ELAPOR2: variants seen among roughly 807,000 people sequenced by gnomAD.
ELAPOR2 encodes the protein endosome-lysosome associated apoptosis and autophagy regulator family member 2, also known as endosome/lysosome-associated apoptosis and autophagy regulator family member 2.
A neutral mutation model predicts 120.7 loss-of-function variants in ELAPOR2; 89 were observed. That is an observed-to-expected ratio of 0.74 (90% CI 0.62 to 0.88). The LOEUF (loss-of-function observed/expected upper bound fraction) is 0.88, where lower values mean the gene tolerates loss of function less well. Among genes scored for constraint, ELAPOR2 ranks in the 40% least tolerant of loss-of-function variants. The pLI is 0.00. For missense variants in ELAPOR2, 1,134 were observed against 1,251.6 expected (o/e 0.91, Z 1.42); for synonymous variants, 444 against 444.9 (o/e 1.00, Z 0.03).
At chr7:86,964,837 T>C in intron 2 of ELAPOR2, 67 bp downstream of exon 2, 2 of 1,510,478 alleles carry the variant, frequency 1.3e-6, no homozygotes, top group African/African-American at 1.4e-5. Context: ...ATAATTAACA[T>C]CTAGGGCTAA....
intron 1 of ELAPOR2, among the ~76,000 whole-genome samples, chr7:86,990,337 G>A (rs1398593659): frequency 7.2e-6 from 1 of 139,280 alleles, no homozygotes; most frequent in Non-Finnish European, 1.5e-5. Flanking sequence ...CATGAGCCAG[G>A]CGGGTTCTGC....
At chr7:86,922,280 T>C (rs1182405498) in intron 10 of ELAPOR2, among the ~76,000 whole-genome samples, 2 of 151,996 alleles carry the variant, frequency 1.3e-5, no homozygotes, top group African/African-American at 2.4e-5. Context: ...AGTTTAATAA[T>C]GGTATACATA....
chr7:86,938,334 A>G, intron 7 of ELAPOR2, 120 bp from the exon 8 acceptor site: 1 of 679,216 alleles, frequency 1.5e-6, no homozygotes, highest in Non-Finnish European at 2.6e-6. Flanking sequence ...AGGGCAATTT[A>G]GGTAGAACTA....
intron 1 of ELAPOR2, among the ~76,000 whole-genome samples, chr7:87,047,042 G>A (rs1236931291): frequency 6.6e-6 from 1 of 152,152 alleles, no homozygotes; most frequent in Non-Finnish European, 1.5e-5. Context: ...CACACACCTA[G>A]AGTGAACTCA....
chr7:86,961,455 T>C (rs1791704647), intron 2 of ELAPOR2, among the ~76,000 whole-genome samples: 11 of 152,178 alleles, frequency 7.2e-5, no homozygotes, highest in Admixed American at 7.2e-4. Flanking sequence ...AGTTCCAGAT[T>C]GTCTGAAAAA....
chr7:87,007,163 C>T (rs1242879497), intron 1 of ELAPOR2, among the ~76,000 whole-genome samples: 3 of 152,134 alleles, frequency 2.0e-5, no homozygotes, highest in African/African-American at 7.2e-5. Flanking sequence ...AAACTGTACA[C>T]TTAACATTTG....
At chr7:87,006,432 G>T (rs988034070) in intron 1 of ELAPOR2, among the ~76,000 whole-genome samples, 2 of 151,908 alleles carry the variant, frequency 1.3e-5, no homozygotes, top group African/African-American at 4.8e-5. Context: ...TAGATGACAG[G>T]TTGATGGGTG....
At chr7:87,030,796 G>C (rs1794400690) in intron 1 of ELAPOR2, among the ~76,000 whole-genome samples, 1 of 152,126 alleles carries the variant, frequency 6.6e-6, no homozygotes, top group South Asian at 2.1e-4. Flanking sequence ...TAGTCCACCA[G>C]GTTTGTAGGT....
At chr7:87,039,077 A>G (rs1032589343) in intron 1 of ELAPOR2, among the ~76,000 whole-genome samples, 2 of 152,188 alleles carry the variant, frequency 1.3e-5, no homozygotes, top group African/African-American at 4.8e-5. Context: ...ATGAAAAAGA[A>G]GACATTACAA....
At position 86,925,596 on chromosome 7, in the gene ELAPOR2, T is replaced by C. The variant is rs2116223571; in HGVS notation, c.1331A>G (p.Asn444Ser). The C allele has an allele frequency of 1.2e-6, 2 of 1,612,118 alleles. No homozygotes were observed. Among genetic ancestry groups the C allele is most frequent in the Non-Finnish European group, 8.5e-7 (1 of 1,178,638 alleles). The change falls in exon 10 of 22, where the codon AAT (asparagine) becomes AGT (serine). Residue 444 changes from asparagine (N) to serine (S), a missense_variant. This residue lies in a region of ELAPOR2 where 831 missense variants were observed against 867.6 expected (regional missense o/e 0.96). Transcript: ENST00000450689. ...AGTTTTCATGTTGCCAGGAAGGACA[T>C]TCCACCATTTATATTCAAAGCCAAG... Reference protein sequence around the residue: ...PALGFEYKWWNVLPGNMKTSC... With the variant: ...PALGFEYKWWSVLPGNMKTSC...
chr7:87,050,463 C>G (rs1310956496), intron 1 of ELAPOR2, among the ~76,000 whole-genome samples: 1 of 152,190 alleles, frequency 6.6e-6, no homozygotes. Context: ...CCTGCTCCCC[C>G]TTTGCCTTCC....
intron 21 of ELAPOR2, among the ~76,000 whole-genome samples, chr7:86,890,757 C>T (rs1788111790): frequency 6.6e-6 from 1 of 151,960 alleles, no homozygotes; most frequent in Non-Finnish European, 1.5e-5. Flanking sequence ...CTCCTTACAT[C>T]TTCATATTAA....
chr7:87,014,252 T>C (rs1793793174), intron 1 of ELAPOR2, among the ~76,000 whole-genome samples: 1 of 152,126 alleles, frequency 6.6e-6, no homozygotes, highest in South Asian at 2.1e-4. Context: ...TAAAACAACA[T>C]TATATTTCAA....
At chr7:87,022,750 G>T (rs1159865539) in intron 1 of ELAPOR2, among the ~76,000 whole-genome samples, 1 of 150,516 alleles carries the variant, frequency 6.6e-6, no homozygotes, top group Non-Finnish European at 1.5e-5. Flanking sequence ...GTTGTTTCCT[G>T]ACTTTTTAAT....
chr7:87,058,946 T>C (rs1233516904), intron 1 of ELAPOR2, among the ~76,000 whole-genome samples: 1 of 151,856 alleles, frequency 6.6e-6, no homozygotes, highest in Non-Finnish European at 1.5e-5. Flanking sequence ...TGTCTGGCTC[T>C]CTGGAAAAGC....
chr7:87,003,376 A>C (rs1362227687), intron 1 of ELAPOR2, among the ~76,000 whole-genome samples: 1 of 151,992 alleles, frequency 6.6e-6, no homozygotes, highest in Non-Finnish European at 1.5e-5. Context: ...TGTAATCCCC[A>C]GTGTTGGGGG....
intron 1 of ELAPOR2, among the ~76,000 whole-genome samples, chr7:87,048,903 G>T (rs149761607): frequency 4.9e-4 from 74 of 152,232 alleles, no homozygotes; most frequent in African/African-American, 1.7e-3. Context: ...TAACTTTTCT[G>T]CTACAAGTAA....
At chr7:86,970,958 G>A (rs1228723801) in intron 1 of ELAPOR2, among the ~76,000 whole-genome samples, 1 of 152,162 alleles carries the variant, frequency 6.6e-6, no homozygotes, top group African/African-American at 2.4e-5. Flanking sequence ...ATATGCCACT[G>A]TGTAGACTCT....
intron 1 of ELAPOR2, among the ~76,000 whole-genome samples, chr7:87,028,484 G>A (rs1794321248): frequency 6.6e-6 from 1 of 151,866 alleles, no homozygotes; most frequent in South Asian, 2.1e-4. Flanking sequence ...TGCTCCCTAG[G>A]AGACCTTAGA....
Sources: allele counts gnomAD v4.1 joint callset (sites outside exome capture counted in the v4.1 genomes callset), GRCh38; gene constraint gnomAD v4.1.1; regional missense constraint gnomAD v4.1.1; transcripts MANE v1.5; gene names NCBI Gene and HGNC (gene_info 2026-07-23, HGNC 2026-07-21).